DDOST: variants seen among roughly 807,000 people sequenced by gnomAD.
DDOST encodes the protein dolichyl-diphosphooligosaccharide--protein glycosyltransferase 48 kDa subunit.
A neutral mutation model predicts 47.6 loss-of-function variants in DDOST; 25 were observed. That is an observed-to-expected ratio of 0.53 (90% confidence interval 0.38 to 0.73). DDOST has a LOEUF of 0.73. Among genes scored for constraint, DDOST ranks in the 30% least tolerant of loss-of-function variants. The pLI is 0.00. For missense variants in DDOST, 526 were observed against 573.9 expected, an observed-to-expected ratio of 0.92 and a Z score of 0.85; for synonymous variants, 275 against 236.0, an observed-to-expected ratio of 1.17 and a Z score of -1.51.
At chr1:20,659,373 G>T (rs938834273) in intron 2 of DDOST, among the ~76,000 whole-genome samples, 1 of 151,808 alleles carries the variant, frequency 6.6e-6, no homozygotes, top group Admixed American at 6.6e-5. Context: ...TTTTCCTTCT[G>T]ACCTATACAA....
Position 20,652,414 on chromosome 1 carries a change from AGAC to A in DDOST, c.1282_1284del (p.Val428del), listed in dbSNP as rs1311218679. 3.1e-6 allele frequency: 5 copies of A among 1,613,772 alleles called. No homozygotes were observed. In the African/African-American group the frequency reaches 6.7e-5, roughly 22 times the overall value. Reference sequence around the variant, plus strand: ...TTCTCCTTCTCCTTCATGTGCAAGAAGACGATGCTGAAGATGAAGAGCCCCAGC... The same window carrying A: ...TTCTCCTTCTCCTTCATGTGCAAGAAGATGCTGAAGATGAAGAGCCCCAGC... On this transcript the variant is annotated inframe_deletion, in exon 11 of 11. Transcript: ENST00000602624.
At chr1:20,654,740 C>T (rs1279904079) in intron 5 of DDOST, 33 bp from the exon 6 acceptor site, 1 of 1,464,810 alleles carries the variant, frequency 6.8e-7, no homozygotes, top group Admixed American at 2.0e-5. Flanking sequence ...CAGCACTGGC[C>T]CCAGGAACTG....
rs756958668 is a variant in DDOST at position 20,652,839 on chromosome 1, A to G, written c.1063+12T>C. On this transcript the variant is annotated intron_variant, in intron 9 of 10. Transcript: ENST00000602624. Reference sequence around the variant, plus strand: ...GTTTCTGGCAGCATCCTCGTGCAGGAACTACACTCACCTTTCTTCTTCAGG... The same window carrying G: ...GTTTCTGGCAGCATCCTCGTGCAGGGACTACACTCACCTTTCTTCTTCAGG... The G allele has an allele frequency of 6.2e-7, 1 of 1,614,172 alleles. No individual in the cohort carries two copies. The highest frequency in any genetic ancestry group is 1.1e-5 in the South Asian group (1 of 91,084).
At position 20,651,835 on chromosome 1, in the gene DDOST, T is replaced by TTATTTATTTATA. The variant is rs1570411239; in HGVS notation, c.*543_*544insTATAAATAAATA. 2 of 131,590 alleles carry TTATTTATTTATA rather than the reference T, an allele frequency of 1.5e-5. No homozygotes were observed. The highest frequency in any genetic ancestry group is 3.3e-5 in the Non-Finnish European group (2 of 60,312). 8.2% of individuals were successfully genotyped at this position (131,590 alleles called of 1,614,324 possible). ...TTTATTTATTTATTTATTTATTTAT[T>TTATTTATTTATA]TATATTTGAGACAGAGTCTTAACAC... On this transcript the variant is annotated 3_prime_UTR_variant, in exon 11 of 11. Transcript: ENST00000602624.
intron 9 of DDOST, 60 bp downstream of exon 9, chr1:20,652,791 G>A (rs2053310386): frequency 3.1e-6 from 5 of 1,599,882 alleles, no homozygotes; most frequent in African/African-American, 1.4e-5. Context: ...GTTGGGCCTC[G>A]AGAGCAAGTG....
In DDOST at chr1:20,652,180, T is replaced by A. The variant is rs898568954; in HGVS notation, c.*199A>T. On this transcript the variant is annotated 3_prime_UTR_variant, in exon 11 of 11. Coordinates refer to ENST00000602624, the MANE Select transcript of DDOST (RefSeq NM_005216.5). ...CTGCACATAGGAAAAATGCCACTTT[T>A]AGCAATTCAAAGTGGAAAAACTTCT... is the stretch of plus-strand genomic sequence containing the variant. The A allele has an allele frequency of 1.2e-5, 6 of 516,994 alleles. No homozygotes were observed. The highest frequency in any genetic ancestry group is 2.0e-5 in the Non-Finnish European group (6 of 305,564). The allele number at this position is 516,994 out of a possible 1,614,324, so 32.0% of individuals were successfully genotyped here.
Position 20,653,756 on chromosome 1 carries a change from G to A in DDOST, c.813C>T (p.Asn271=). The change falls in exon 8 of 11, where the codon AAC becomes AAT. Residue 271 remains asparagine, a synonymous_variant. Coordinates refer to ENST00000602624, the MANE Select transcript of DDOST (RefSeq NM_005216.5). ...PGSQRYSQTG[N]YELAVALSRW... is the part of the protein sequence containing the mutation. ...GGGAGAGGGCCACAGCTAGTTCATA[G>A]TTGCCTGTCTGGGAATACCTGCAGG... The A allele has an allele frequency of 1.2e-6, 2 of 1,613,738 alleles. No homozygotes were observed.
intron 10 of DDOST, 45 bp from the exon 11 acceptor site, chr1:20,652,573 A>G: frequency 6.2e-7 from 1 of 1,614,084 alleles, no homozygotes; most frequent in South Asian, 1.1e-5. Flanking sequence ...TGCAGAGCCC[A>G]GGCAGGGCAC....
At position 20,654,344 on chromosome 1, in the gene DDOST, G is replaced by T; in HGVS notation, c.673C>A (p.Leu225Ile). The T allele has an allele frequency of 6.4e-7, 1 of 1,559,290 alleles. No individual in the cohort carries two copies. ...CTGGCCTGGAGCCCAGCAATGAGGA[G>T]GGTGTTCTTCCCCACCGCATGTGGA... ...QYPHAVGKNT[L>I]LIAGLQARNN... Residue 225 changes from leucine to isoleucine, a missense_variant, in exon 7 of 11, where the codon CTC becomes ATC. Transcript: ENST00000602624.
At chr1:20,657,307 G>A (rs557834889) in intron 2 of DDOST, among the ~76,000 whole-genome samples, 3 of 152,342 alleles carry the variant, frequency 2.0e-5, no homozygotes, top group South Asian at 2.1e-4. Flanking sequence ...GTGGGGAGCC[G>A]CTGGACGATT....
chr1:20,653,054 C>T, intron 8 of DDOST, 83 bp from the exon 9 acceptor site: 1 of 1,571,718 alleles, frequency 6.4e-7, no homozygotes, highest in Non-Finnish European at 8.7e-7. Context: ...ACTTAATTCC[C>T]ACCCGACGAA....
chr1:20,659,731 T>C (rs985935429), intron 2 of DDOST, among the ~76,000 whole-genome samples: 3 of 152,044 alleles, frequency 2.0e-5, no homozygotes, highest in African/African-American at 7.2e-5. Flanking sequence ...CTAGGGAAAG[T>C]ACTTGAGGGA....
Position 20,652,234 on chromosome 1 carries a change from C to T in DDOST, c.*145G>A. Reference sequence around the variant, plus strand: ...ATATAAAAATTATCCCAACTCCCACCCCTTGGCTCTCAGTGTTGCATCTCC... The same window carrying T: ...ATATAAAAATTATCCCAACTCCCACTCCTTGGCTCTCAGTGTTGCATCTCC... On this transcript the variant is annotated 3_prime_UTR_variant, in exon 11 of 11. Coordinates refer to ENST00000602624, the MANE Select transcript of DDOST (RefSeq NM_005216.5). The T allele has an allele frequency of 4.0e-6, 3 of 744,620 alleles. No homozygotes were observed. The highest frequency in any genetic ancestry group is 3.0e-5 in the East Asian group (1 of 33,682). 46.1% of individuals were successfully genotyped at this position (744,620 alleles called of 1,614,324 possible).
At position 20,655,275 on chromosome 1, in the gene DDOST, G is replaced by T. The variant is rs115601582; in HGVS notation, c.551+165C>A. On this transcript the variant is annotated intron_variant, in intron 5 of 10. Coordinates refer to ENST00000602624, the MANE Select transcript of DDOST (RefSeq NM_005216.5). ...ATCCTCCTGCCTAGGCCTTCCCAAA[G>T]CGCTGGGATTACAGGTTGAGCCACT... Among the ~76,000 whole-genome samples the T allele has an allele frequency of 0.035, 5,303 of 149,708 alleles. 132 individuals are homozygous for T. The highest frequency in any genetic ancestry group is 0.055 in the Non-Finnish European group (3,721 of 67,712).
chr1:20,660,798 G>C, intron 2 of DDOST, 83 bp downstream of exon 2: 2 of 804,870 alleles, frequency 2.5e-6, no homozygotes, highest in Non-Finnish European at 4.2e-6. Flanking sequence ...TGTGACCCAG[G>C]ACATGCCCAA....
intron 5 of DDOST, 82 bp downstream of exon 5, chr1:20,655,358 T>C: frequency 1.0e-6 from 1 of 997,294 alleles, no homozygotes; most frequent in Middle Eastern, 2.1e-4. Flanking sequence ...AGAATTACAA[T>C]TTTGCCTTGA....
At chr1:20,658,620 A>G (rs1458605393) in intron 2 of DDOST, among the ~76,000 whole-genome samples, 4 of 152,258 alleles carry the variant, frequency 2.6e-5, no homozygotes, top group Admixed American at 2.6e-4. Context: ...TTAGTTTGAT[A>G]CTAGTTGTTA....
At chr1:20,655,316 A>C in intron 5 of DDOST, 124 bp downstream of exon 5, 1 of 717,154 alleles carries the variant, frequency 1.4e-6, no homozygotes, top group Non-Finnish European at 2.4e-6. Context: ...CGGCCTTGAT[A>C]TAACAAATTA....
intron 1 of DDOST, 90 bp downstream of exon 1, chr1:20,661,107 G>T: frequency 6.6e-7 from 1 of 1,518,940 alleles, no homozygotes; most frequent in Non-Finnish European, 9.0e-7. Context: ...CCTGCTCCAG[G>T]AAAGGGAGAG....
Sources: allele counts gnomAD v4.1 joint callset (sites outside exome capture counted in the v4.1 genomes callset), GRCh38; gene constraint gnomAD v4.1.1; transcripts MANE v1.5; gene names NCBI Gene and HGNC (gene_info 2026-07-23, HGNC 2026-07-21).